Variants in UGGT2 observed in about 807,000 individuals in gnomAD.
UGGT2 encodes the protein UDP-glucose glycoprotein glucosyltransferase 2, also known as UDP-glucose:glycoprotein glucosyltransferase 2.
A neutral mutation model predicts 192.1 loss-of-function variants in UGGT2; 180 were observed. The observed-to-expected ratio is 0.94, with a 90% confidence interval of 0.83 to 1.06. UGGT2 has a LOEUF of 1.06. Among genes scored for constraint, UGGT2 ranks in the 50% least tolerant of loss-of-function variants. The pLI is 0.00. For missense variants in UGGT2, 1,849 were observed against 1,795.7 expected (o/e 1.03, Z -0.54); for synonymous variants, 580 against 591.0 (o/e 0.98, Z 0.27).
At chr13:95,973,712 T>G (rs575668363) in intron 10 of UGGT2, among the ~76,000 whole-genome samples, 110 of 152,284 alleles carry the variant, frequency 7.2e-4, no homozygotes, top group African/African-American at 2.5e-3. Context: ...TCCAGTACGG[T>G]TGTCAAGATC....
At chr13:95,950,023 C>T (rs2050006112) in intron 12 of UGGT2, among the ~76,000 whole-genome samples, 1 of 152,106 alleles carries the variant, frequency 6.6e-6, no homozygotes, top group South Asian at 2.1e-4. Context: ...GCAAGCTCCA[C>T]ATTCACCTAA....
chr13:95,966,906 GA>G (rs1439435994), intron 12 of UGGT2, among the ~76,000 whole-genome samples: 4 of 151,978 alleles, frequency 2.6e-5, no homozygotes, highest in African/African-American at 9.7e-5. Flanking sequence ...TTACTTAACA[GA>G]ATCATTATCT....
At chr13:96,039,796 G>A (rs566805053) in intron 1 of UGGT2, among the ~76,000 whole-genome samples, 1 of 152,234 alleles carries the variant, frequency 6.6e-6, no homozygotes, top group East Asian at 1.9e-4. Context: ...CAAGTCAGCC[G>A]GTATTGTATC....
intron 25 of UGGT2, among the ~76,000 whole-genome samples, 182 bp downstream of exon 25, chr13:95,890,680 C>T (rs1226314914): frequency 6.6e-6 from 1 of 152,160 alleles, no homozygotes; most frequent in African/African-American, 2.4e-5. Context: ...CACCTAACCT[C>T]AGCACAGTCA....
At chr13:95,933,177 A>C (rs1269047274) in intron 17 of UGGT2, among the ~76,000 whole-genome samples, 2 of 152,198 alleles carry the variant, frequency 1.3e-5, no homozygotes, top group Admixed American at 1.3e-4. Flanking sequence ...TTCTTTATAC[A>C]TCTGGCAGAA....
Position 95,837,971 on chromosome 13 carries a change from G to T in UGGT2, c.4285-769C>A, listed in dbSNP as rs963181670. On this transcript the variant is annotated intron_variant, in intron 36 of 38. Coordinates refer to ENST00000376747, the MANE Select transcript of UGGT2 (RefSeq NM_020121.4). The stretch of plus-strand genomic sequence containing the variant: ...CTGAAAGTCCTAGCAAATGCAATAA[G>T]ACAAGAAAAGGAAAATGTATATAGA... Among the ~76,000 whole-genome samples, 4 of 151,926 alleles carry T rather than the reference G, an allele frequency of 2.6e-5. No individual in the cohort carries two copies. The South Asian group carries it at 8.3e-4, about 31-fold the overall frequency.
chr13:95,927,394 A>G, intron 17 of UGGT2, 58 bp from the exon 18 acceptor site: 8 of 1,427,824 alleles, frequency 5.6e-6, no homozygotes, highest in Non-Finnish European at 7.6e-6. Flanking sequence ...ATGTTTCAAA[A>G]AGTATGCAGA....
At chr13:95,854,286 C>G (rs763310940) in intron 35 of UGGT2, 29 bp downstream of exon 35, 1 of 1,579,924 alleles carries the variant, frequency 6.3e-7, no homozygotes, top group African/African-American at 1.4e-5. Flanking sequence ...TACTTATTTA[C>G]TAAATGGTAA....
Position 95,877,285 on chromosome 13 carries a change from A to G in UGGT2, c.3467T>C (p.Ile1156Thr). 2 of 1,593,572 alleles carry G rather than the reference A, an allele frequency of 1.3e-6. No homozygotes were observed. Among genetic ancestry groups the G allele is most frequent in the East Asian group, 2.3e-5 (1 of 44,386 alleles). ...AGCAGCCTGCATAACTCACCCAACT[A>G]TTTGATAAATATCTTCAGATTTTCC... ...HQGKSEDIYQ[I>T]VGHEGTDSQA... Residue 1156 changes from isoleucine (I) to threonine (T), a missense_variant, in exon 29 of 39, where the codon ATA becomes ACA. Physicochemically the swap from Ile to Thr is moderately conservative, Grantham distance 89. Transcript: ENST00000376747.
chr13:95,889,815 T>C (rs1016735466), intron 25 of UGGT2, among the ~76,000 whole-genome samples: 2 of 152,198 alleles, frequency 1.3e-5, no homozygotes, highest in Admixed American at 1.3e-4. Context: ...TCATTCAGTG[T>C]AGCCAGCCTG....
intron 36 of UGGT2, among the ~76,000 whole-genome samples, chr13:95,851,603 A>G (rs999090054): frequency 6.6e-6 from 1 of 152,222 alleles, no homozygotes; most frequent in Non-Finnish European, 1.5e-5. Flanking sequence ...GAGAGGTTGA[A>G]AACATCCGTG....
chr13:95,985,543 T>C (rs1289858731), intron 9 of UGGT2, among the ~76,000 whole-genome samples: 1 of 152,178 alleles, frequency 6.6e-6, no homozygotes, highest in African/African-American at 2.4e-5. Context: ...TAGGAAGGTA[T>C]GCTAAGCTAG....
intron 19 of UGGT2, among the ~76,000 whole-genome samples, chr13:95,926,328 A>G (rs1225811956): frequency 6.6e-6 from 1 of 152,134 alleles, no homozygotes; most frequent in Non-Finnish European, 1.5e-5. Context: ...TCTCTCCTAT[A>G]TAAAAGTTTG....
chr13:95,983,536 G>T, intron 10 of UGGT2: 1 of 527,228 alleles, frequency 1.9e-6, no homozygotes, highest in Non-Finnish European at 3.7e-6. Flanking sequence ...TTAACTCACA[G>T]CCTTTATTCT....
chr13:96,040,683 G>GT (rs2053139983), intron 1 of UGGT2, among the ~76,000 whole-genome samples: 1 of 152,080 alleles, frequency 6.6e-6, no homozygotes, highest in Non-Finnish European at 1.5e-5. Flanking sequence ...TAATACCCTG[G>GT]CAAACCCATA....
intron 12 of UGGT2, among the ~76,000 whole-genome samples, chr13:95,953,426 T>C (rs549451232): frequency 3.7e-4 from 56 of 152,340 alleles, no homozygotes; most frequent in Non-Finnish European, 4.0e-4. Context: ...AGGGCACTAG[T>C]GCCAAGAGTT....
At chr13:95,828,464 A>C (rs1309005766) in intron 38 of UGGT2, among the ~76,000 whole-genome samples, 1 of 152,216 alleles carries the variant, frequency 6.6e-6, no homozygotes, top group Non-Finnish European at 1.5e-5. Flanking sequence ...AAATAGATGC[A>C]ATAAAAAATG....
chr13:95,887,891 C>T lies in UGGT2; in HGVS notation c.3038+1G>A. 2 of 1,581,400 alleles carry T rather than the reference C, an allele frequency of 1.3e-6. No individual in the cohort carries two copies. The highest frequency in any genetic ancestry group is 4.5e-5 in the East Asian group (2 of 44,342). On this transcript the variant is annotated splice_donor_variant, in intron 26 of 38. Transcript: ENST00000376747. LOFTEE classifies it high-confidence loss of function. The stretch of plus-strand genomic sequence containing the variant: ...ATGAAATTTTGTTCACTCAGATTTA[C>T]CTTTCTAAAGGGGCTTCTGAAAGCC...
Position 95,855,272 on chromosome 13 carries a change from T to C in UGGT2, c.4009-797A>G, listed in dbSNP as rs188594628. Reference sequence around the variant, plus strand: ...CTGCACTCCAGCCTGGATGACAGAGTGAGACCCTGTCTCTTAAAAGAAATT... The same window carrying C: ...CTGCACTCCAGCCTGGATGACAGAGCGAGACCCTGTCTCTTAAAAGAAATT... On this transcript the variant is annotated intron_variant, in intron 34 of 38. Transcript: ENST00000376747. Among the ~76,000 whole-genome samples the C allele has an allele frequency of 2.8e-3, 418 of 151,972 alleles. 2 individuals carry two copies. The highest frequency in any genetic ancestry group is 9.6e-3 in the African/African-American group (400 of 41,520).
Sources: allele counts gnomAD v4.1 joint callset (sites outside exome capture counted in the v4.1 genomes callset), GRCh38; gene constraint gnomAD v4.1.1; transcripts MANE v1.5; gene names NCBI Gene and HGNC (gene_info 2026-07-23, HGNC 2026-07-21).